CNNM2: variants seen among roughly 807,000 people sequenced by gnomAD.
CNNM2 encodes the protein metal transporter CNNM2.
A neutral mutation model predicts 66.9 loss-of-function variants in CNNM2; 12 were observed. The observed-to-expected ratio is 0.18, with a 90% CI of 0.11 to 0.29. The LOEUF is 0.29. Ranked by LOEUF, CNNM2 falls within the 10% of genes least tolerant of loss-of-function variation. The probability of loss-of-function intolerance (pLI) is 1.00; values close to 1 mark genes in which losing one functional copy is unlikely to be tolerated. For synonymous variants in CNNM2, 557 were observed against 501.8 expected (o/e 1.11, Z -1.47); for missense variants, 705 against 1,167.7 (o/e 0.60, Z 5.77).
At chr10:103,017,963 C>CAAAAAAAAAAAAAAAAA (rs59984156) in intron 1 of CNNM2, among the ~76,000 whole-genome samples, 827 of 78,604 alleles carry the variant, frequency 0.011, 52 homozygotes, top group Non-Finnish European at 0.012. Flanking sequence ...GAATCTGTCT[C>CAAAAAAAAAAAAAAAAA]AAAAAAAAAA....
At chr10:102,999,235 T>A (rs2064066911) in intron 1 of CNNM2, among the ~76,000 whole-genome samples, 1 of 139,634 alleles carries the variant, frequency 7.2e-6, no homozygotes, top group Non-Finnish European at 1.6e-5. Flanking sequence ...CCTGCCCGGC[T>A]AATTTTTTTT....
intron 1 of CNNM2, among the ~76,000 whole-genome samples, chr10:102,981,367 A>G (rs917663034): frequency 3.3e-5 from 5 of 151,876 alleles, no homozygotes; most frequent in African/African-American, 1.2e-4. Context: ...ACCCCAAAAC[A>G]AATAATTCCC....
At chr10:102,995,947 G>A (rs1564837416) in intron 1 of CNNM2, among the ~76,000 whole-genome samples, 1 of 152,156 alleles carries the variant, frequency 6.6e-6, no homozygotes, top group African/African-American at 2.4e-5. Context: ...TGATCTGCCT[G>A]CCTGGGCCTC....
At chr10:102,949,739 G>A (rs1846757541) in intron 1 of CNNM2, among the ~76,000 whole-genome samples, 2 of 152,034 alleles carry the variant, frequency 1.3e-5, no homozygotes, top group African/African-American at 4.8e-5. Flanking sequence ...GCAGTGAGCC[G>A]AGATTGCGCC....
chr10:103,048,216 T>TG lies in CNNM2; in HGVS notation c.1622-1491_1622-1490insG, dbSNP rs202111885. Among the ~76,000 whole-genome samples, 3,316 of 140,576 alleles carry TG rather than the reference T, an allele frequency of 0.024. 64 individuals are homozygous for TG. Among genetic ancestry groups the TG allele is most frequent in the Non-Finnish European group, 0.038 (2,477 of 64,702 alleles). 92.2% of individuals were successfully genotyped at this position (140,576 alleles called of 152,430 possible). A position where few individuals can be genotyped will look rare whatever the true frequency, so the allele number is the denominator to read the frequency against. On this transcript the variant is annotated intron_variant, in intron 1 of 7. Coordinates refer to ENST00000369878, the MANE Select transcript of CNNM2 (RefSeq NM_017649.5). ...AAATGTGAGCCACTGCGCTCAGCAT[T>TG]TTTTTTTTTTTTTTTTGAGTGGGAG... is the stretch of plus-strand genomic sequence containing the variant.
chr10:103,041,823 C>T (rs2065045156), intron 1 of CNNM2, among the ~76,000 whole-genome samples: 1 of 152,104 alleles, frequency 6.6e-6, no homozygotes, highest in Non-Finnish European at 1.5e-5. Context: ...TTTCTCAAGT[C>T]TCTCTTTGGT....
chr10:103,053,534 A>C (rs1351942886), intron 2 of CNNM2, among the ~76,000 whole-genome samples: 1 of 152,202 alleles, frequency 6.6e-6, no homozygotes, highest in African/African-American at 2.4e-5. Flanking sequence ...AAAAGAAACC[A>C]AAAGAAGAAC....
intron 2 of CNNM2, among the ~76,000 whole-genome samples, chr10:103,051,492 G>C (rs1463272953): frequency 6.6e-6 from 1 of 151,008 alleles, no homozygotes. Context: ...TGTAATGCCA[G>C]CACTTTGGGA....
intron 1 of CNNM2, among the ~76,000 whole-genome samples, chr10:102,990,449 G>A (rs529895389): frequency 6.6e-6 from 1 of 152,290 alleles, no homozygotes; most frequent in Non-Finnish European, 1.5e-5. Context: ...GCCAGTTTAA[G>A]AAAACTGAAG....
intron 1 of CNNM2, among the ~76,000 whole-genome samples, chr10:103,006,745 G>A (rs1024186404): frequency 1.3e-5 from 2 of 152,090 alleles, no homozygotes; most frequent in African/African-American, 4.8e-5. Context: ...TCCTACCACA[G>A]CCTCCTGAGT....
intron 1 of CNNM2, among the ~76,000 whole-genome samples, chr10:102,959,609 C>T (rs1057450394): frequency 6.6e-6 from 1 of 152,174 alleles, no homozygotes; most frequent in African/African-American, 2.4e-5. Context: ...CAGGGTCTTG[C>T]TCTGTCACCC....
intron 3 of CNNM2, 110 bp from the exon 4 acceptor site, chr10:103,056,685 C>A: frequency 9.7e-7 from 1 of 1,035,386 alleles, no homozygotes; most frequent in Non-Finnish European, 1.5e-6. Flanking sequence ...CATTCAAATG[C>A]TATCACTTTG....
chr10:102,967,526 G>A (rs1469233051), intron 1 of CNNM2, among the ~76,000 whole-genome samples: 1 of 152,162 alleles, frequency 6.6e-6, no homozygotes, highest in African/African-American at 2.4e-5. Context: ...GGAATCATAG[G>A]TAGTCTTTTT....
Position 102,918,593 on chromosome 10 carries a change from G to T in CNNM2, c.113G>T (p.Arg38Leu). Residue 38 changes from arginine (R) to leucine (L), a missense_variant, in exon 1 of 8, where the codon CGG becomes CTG. Arg to Leu is a moderately radical substitution (Grantham distance 102). Around this residue, in one of 9 missense-constraint regions of CNNM2, gnomAD observed 98 missense variants for 73.6 expected, o/e 1.33. Coordinates refer to ENST00000369878, the MANE Select transcript of CNNM2 (RefSeq NM_017649.5). The surrounding 1 kb of genome is among the most constrained non-coding windows in gnomAD (Gnocchi z 4.1). ...AARRSLSARG[R>L]GILQAAAGRL... ...CGCCGCAGCCTCAGCGCTCGCGGCC[G>T]GGGGATCCTGCAGGCGGCTGCGGGG... 1 of 1,564,746 alleles carries T rather than the reference G, an allele frequency of 6.4e-7. No homozygotes were observed. Among genetic ancestry groups the T allele is most frequent in the East Asian group, 2.4e-5 (1 of 41,580 alleles).
At chr10:103,003,760 G>A (rs963201547) in intron 1 of CNNM2, among the ~76,000 whole-genome samples, 7 of 151,476 alleles carry the variant, frequency 4.6e-5, no homozygotes, top group Non-Finnish European at 8.8e-5. Context: ...GCACCAGAGC[G>A]AGACTCTATC....
intron 1 of CNNM2, among the ~76,000 whole-genome samples, chr10:102,977,565 A>G (rs1200146293): frequency 6.6e-6 from 1 of 152,158 alleles, no homozygotes; most frequent in Non-Finnish European, 1.5e-5. Context: ...TCATGCCTAT[A>G]ATCCCAGCAC....
Position 102,946,411 on chromosome 10 carries a change from G to A in CNNM2, c.1621+26310G>A, listed in dbSNP as rs370812958. ...TCTTGTGATATATTGATTGTTGTCC[G>A]GAATCTTTTCCATTTTGCTTTTAGG... is the stretch of plus-strand genomic sequence containing the variant. On this transcript the variant is annotated intron_variant, in intron 1 of 7. Transcript: ENST00000369878. Among the ~76,000 whole-genome samples the A allele has an allele frequency of 6.6e-4, 101 of 152,042 alleles. 1 individual carries two copies. The highest frequency in any genetic ancestry group is 2.1e-3 in the African/African-American group (87 of 41,452).
chr10:103,041,530 A>T (rs1477675415), intron 1 of CNNM2, among the ~76,000 whole-genome samples: 1 of 152,146 alleles, frequency 6.6e-6, no homozygotes, highest in Non-Finnish European at 1.5e-5. Context: ...GAAGCAGGCC[A>T]GTTCGGGCCT....
At chr10:102,952,584 A>G (rs945280640) in intron 1 of CNNM2, among the ~76,000 whole-genome samples, 1 of 151,816 alleles carries the variant, frequency 6.6e-6, no homozygotes, top group Non-Finnish European at 1.5e-5. Flanking sequence ...ACAAACAAAC[A>G]AAAGTTAAAT....
Sources: gnomAD v4.1 joint callset for allele counts (sites outside exome capture counted in the v4.1 genomes callset) on GRCh38, gnomAD v4.1.1 for gene constraint, gnomAD v4.1.1 regional missense constraint, Gnocchi (gnomAD v3.1) non-coding constraint, MANE v1.5 for transcripts, NCBI Gene and HGNC (gene_info 2026-07-23, HGNC 2026-07-21) for gene names.